Variants in PRORP observed in about 807,000 individuals in gnomAD.
PRORP encodes mitochondrial ribonuclease P catalytic subunit.
A neutral mutation model predicts 59.4 loss-of-function variants in PRORP; 51 were observed. The observed-to-expected ratio is 0.86, with a 90% CI of 0.69 to 1.08. The LOEUF (loss-of-function observed/expected upper bound fraction) is 1.08, where lower values mean the gene tolerates loss of function less well. Ranked by LOEUF, PRORP falls within the 50% of genes least tolerant of loss-of-function variation. PRORP has a pLI of 0.00. For missense variants in PRORP, 646 were observed against 690.3 expected, an observed-to-expected ratio of 0.94 and a Z score of 0.72; for synonymous variants, 231 against 245.6, an observed-to-expected ratio of 0.94 and a Z score of 0.55.
intron 4 of PRORP, among the ~76,000 whole-genome samples, chr14:35,159,894 G>A (rs761290805): frequency 6.6e-6 from 1 of 152,170 alleles, no homozygotes; most frequent in Non-Finnish European, 1.5e-5. Flanking sequence ...TATGAGACTG[G>A]TGTATGTTTT....
At chr14:35,246,916 TC>T (rs1243433042) in intron 5 of PRORP, among the ~76,000 whole-genome samples, 1 of 152,208 alleles carries the variant, frequency 6.6e-6, no homozygotes, top group Non-Finnish European at 1.5e-5. Context: ...AGCTCTAAAT[TC>T]CCTAATCCCG....
At position 35,123,984 on chromosome 14, in the gene PRORP, T is replaced by C. The variant is rs1200029266; in HGVS notation, c.739T>C (p.Tyr247His). ...KKVITPSKKNYNDCIQGALLH... is the reference protein window; with the variant it reads ...KKVITPSKKNHNDCIQGALLH... Reference sequence around the variant, plus strand: ...AGTTATAACTCCTTCAAAAAAGAACTATAATGACTGTATCCAGGGAGCTCT... The same window carrying C: ...AGTTATAACTCCTTCAAAAAAGAACCATAATGACTGTATCCAGGGAGCTCT... Residue 247 changes from tyrosine to histidine, a missense_variant, in exon 2 of 8, where the codon TAT (tyrosine) becomes CAT (histidine). By Grantham distance (83) the Tyr-to-His change is moderately conservative. Coordinates refer to ENST00000534898, the MANE Select transcript of PRORP (RefSeq NM_014672.4). The C allele has an allele frequency of 1.2e-6, 2 of 1,613,982 alleles. No individual in the cohort carries two copies. Among genetic ancestry groups the C allele is most frequent in the African/African-American group, 2.7e-5 (2 of 74,924 alleles).
chr14:35,134,952 G>C (rs531947225), intron 4 of PRORP, among the ~76,000 whole-genome samples: 1 of 152,194 alleles, frequency 6.6e-6, no homozygotes, highest in Non-Finnish European at 1.5e-5. Context: ...GGGAACTCCA[G>C]TTTCAACCAC....
intron 5 of PRORP, chr14:35,218,998 A>G (rs1483131588): frequency 6.6e-6 from 1 of 152,208 alleles, no homozygotes; most frequent in African/African-American, 2.4e-5. Flanking sequence ...TCTAATCTAT[A>G]AAATTGAAAG....
At chr14:35,148,401 A>G (rs906482110) in intron 4 of PRORP, among the ~76,000 whole-genome samples, 1 of 152,210 alleles carries the variant, frequency 6.6e-6, no homozygotes, top group Non-Finnish European at 1.5e-5. Context: ...TCACTGAGCA[A>G]TAATATTTTG....
At chr14:35,198,836 T>G (rs1290837521) in intron 5 of PRORP, among the ~76,000 whole-genome samples, 2 of 151,790 alleles carry the variant, frequency 1.3e-5, no homozygotes, top group Non-Finnish European at 2.9e-5. Context: ...ATTGAGACCA[T>G]CCTGGCCAAC....
At chr14:35,224,920 T>C (rs1253290489) in intron 5 of PRORP, among the ~76,000 whole-genome samples, 1 of 152,166 alleles carries the variant, frequency 6.6e-6, no homozygotes, top group Non-Finnish European at 1.5e-5. Context: ...TCTGGGATTG[T>C]GGAAAGTTTA....
At chr14:35,270,279 C>A in intron 6 of PRORP, 122 bp from the exon 7 acceptor site, 1 of 836,796 alleles carries the variant, frequency 1.2e-6, no homozygotes, top group African/African-American at 1.7e-5. Context: ...GTATTACTAG[C>A]ATCATGTTGG....
At chr14:35,200,665 A>C (rs181695992) in intron 5 of PRORP, among the ~76,000 whole-genome samples, 1 of 151,538 alleles carries the variant, frequency 6.6e-6, no homozygotes, top group Non-Finnish European at 1.5e-5. Flanking sequence ...AATTATATAT[A>C]TGTTATATAT....
intron 5 of PRORP, among the ~76,000 whole-genome samples, chr14:35,184,155 A>G (rs1261916645): frequency 7.5e-6 from 1 of 133,946 alleles, no homozygotes; most frequent in African/African-American, 2.6e-5. Flanking sequence ...CTGTAAGTTC[A>G]TTAATGAGAA....
At chr14:35,191,483 C>T (rs1015348376) in intron 5 of PRORP, among the ~76,000 whole-genome samples, 2 of 152,132 alleles carry the variant, frequency 1.3e-5, no homozygotes, top group African/African-American at 2.4e-5. Flanking sequence ...GGGAGAATCA[C>T]TTGAGCCCAG....
intron 5 of PRORP, chr14:35,219,414 T>A (rs2049711594): frequency 6.6e-6 from 1 of 152,144 alleles, no homozygotes; most frequent in South Asian, 2.1e-4. Context: ...AAGCTAAAGG[T>A]AGGTGAGATA....
chr14:35,173,396 C>G (rs537487821), intron 4 of PRORP, among the ~76,000 whole-genome samples: 2 of 152,166 alleles, frequency 1.3e-5, no homozygotes, highest in African/African-American at 4.8e-5. Flanking sequence ...CAGTGGGTAG[C>G]AGCTGAGATC....
chr14:35,187,847 C>CTTT (rs553681091), intron 5 of PRORP, among the ~76,000 whole-genome samples: 1 of 147,012 alleles, frequency 6.8e-6, no homozygotes, highest in Non-Finnish European at 1.5e-5. Context: ...ATTTTCTTTT[C>CTTT]TTTTTTTTTT....
rs190320229 is a variant in PRORP, at chr14:35,228,439, T to C, written c.1276-38288T>C. Among the ~76,000 whole-genome samples the C allele has an allele frequency of 2.1e-3, 316 of 152,300 alleles. 4 individuals carry two copies. The highest frequency in any genetic ancestry group is 9.0e-4 in the Non-Finnish European group (61 of 68,024). ...ACATAGTACCCAATAGTTAGTGTTT[T>C]CAACCCTTGCCTTCCTCCCTCCATC... On this transcript the variant is annotated intron_variant, in intron 5 of 7. Transcript: ENST00000534898.
chr14:35,218,657 G>A (rs1407988639), intron 5 of PRORP, among the ~76,000 whole-genome samples: 3 of 150,914 alleles, frequency 2.0e-5, no homozygotes, highest in Non-Finnish European at 4.4e-5. Context: ...CTCCCGAGTA[G>A]TTTGGATTAC....
At chr14:35,180,519 A>C in intron 4 of PRORP, 151 bp from the exon 5 acceptor site, 2 of 474,854 alleles carry the variant, frequency 4.2e-6, no homozygotes, top group Non-Finnish European at 7.5e-6. Flanking sequence ...TTTCATTTGT[A>C]GAGTATCTGT....
intron 5 of PRORP, among the ~76,000 whole-genome samples, chr14:35,259,733 A>G (rs1161554693): frequency 6.6e-6 from 1 of 152,060 alleles, no homozygotes; most frequent in African/African-American, 2.4e-5. Context: ...TTTACTAAAA[A>G]TACAAAAAAA....
intron 5 of PRORP, among the ~76,000 whole-genome samples, chr14:35,265,065 G>A (rs915511495): frequency 3.3e-5 from 5 of 152,114 alleles, no homozygotes; most frequent in African/African-American, 1.2e-4. Flanking sequence ...CAGAGTCAAC[G>A]TGTATATTGG....
Sources: allele counts gnomAD v4.1 joint callset (sites outside exome capture counted in the v4.1 genomes callset), GRCh38; gene constraint gnomAD v4.1.1; transcripts MANE v1.5; gene names NCBI Gene and HGNC (gene_info 2026-07-23, HGNC 2026-07-21).